Variants in KIF1B observed in about 807,000 individuals in gnomAD.
KIF1B encodes the protein kinesin-like protein KIF1B.
A neutral mutation model predicts 241.9 loss-of-function variants in KIF1B; 76 were observed. The ratio of observed to expected loss-of-function variants is 0.31; its 90% CI spans 0.26 to 0.38. The LOEUF (loss-of-function observed/expected upper bound fraction) is 0.38, where lower values mean the gene tolerates loss of function less well. KIF1B is among the 10% of genes least tolerant of loss of function. The pLI, the probability that KIF1B is intolerant of heterozygous loss-of-function variation, is 1.00. For synonymous variants in KIF1B, 750 were observed against 796.7 expected (o/e 0.94, Z 0.99); for missense variants, 1,622 against 2,271.4 (o/e 0.71, Z 5.81).
intron 2 of KIF1B, among the ~76,000 whole-genome samples, chr1:10,247,515 C>A (rs1571133340): frequency 1.3e-5 from 2 of 152,256 alleles, no homozygotes. Context: ...CTTGTTTTCA[C>A]TAGGTATCTA....
rs957119550 is a variant in KIF1B, at chr1:10,306,415, A to C, written c.2115+9169A>C. The C allele has an allele frequency of 3.9e-6, 4 of 1,019,152 alleles. No homozygotes were observed. The African/African-American group carries it at 6.7e-5, about 17-fold the overall frequency. The allele number at this position is 1,019,152 out of a possible 1,614,324, so 63.1% of individuals were successfully genotyped here. A position where few individuals can be genotyped will look rare whatever the true frequency, so the allele number is the denominator to read the frequency against. ...TTCCTCTTTAGACATAAATGTGCTA[A>C]CTATTCCTTTCTATACACAATTTAT... On this transcript the variant is annotated intron_variant, in intron 22 of 48. Transcript: ENST00000676179.
chr1:10,314,126 C>T (rs1254701489), intron 22 of KIF1B, among the ~76,000 whole-genome samples: 2 of 151,354 alleles, frequency 1.3e-5, no homozygotes, highest in Non-Finnish European at 2.9e-5. Flanking sequence ...TCCTAACTCA[C>T]CCGCCTCGGC....
chr1:10,290,037 T>C (rs1395588706), intron 15 of KIF1B, among the ~76,000 whole-genome samples: 7 of 152,230 alleles, frequency 4.6e-5, no homozygotes, highest in Admixed American at 4.6e-4. Context: ...TGTATATAAG[T>C]ATTGAATGAA....
chr1:10,303,918 T>A lies in KIF1B; in HGVS notation c.2115+6672T>A. On this transcript the variant is annotated intron_variant, in intron 22 of 48. Coordinates refer to ENST00000676179, the MANE Select transcript of KIF1B (RefSeq NM_001365951.3). This position sits in a 1 kb window ranked among gnomAD's most constrained non-coding sequence, Gnocchi z 5.2. Reference sequence around the variant, plus strand: ...GTGTTTCCCAGCTGATGAATGGGGATCCAGCTTTTAGACGTGGACGTCTGC... The same window carrying A: ...GTGTTTCCCAGCTGATGAATGGGGAACCAGCTTTTAGACGTGGACGTCTGC... 6.2e-7 allele frequency: 1 copy of A among 1,614,126 alleles called. No individual in the cohort carries two copies. Among genetic ancestry groups the A allele is most frequent in the Non-Finnish European group, 8.5e-7 (1 of 1,180,016 alleles).
At chr1:10,211,820 T>A (rs959974345) in intron 1 of KIF1B, 1 of 152,118 alleles carries the variant, frequency 6.6e-6, no homozygotes, top group African/African-American at 2.4e-5. Flanking sequence ...GTGCGGGGGC[T>A]GTGAAAGGCC....
In KIF1B at chr1:10,258,476, C is replaced by T. The variant is rs1328507218; in HGVS notation, c.184-17C>T. The T allele has an allele frequency of 1.2e-6, 2 of 1,611,132 alleles. No homozygotes were observed. ...TATTAATAAAAGGTTATTTATTTCT[C>T]CTTTTACTCTTTACAGCCCGAAGAT... On this transcript the variant is annotated splice_polypyrimidine_tract_variant and intron_variant, in intron 3 of 48. Coordinates refer to ENST00000676179, the MANE Select transcript of KIF1B (RefSeq NM_001365951.3).
At position 10,365,703 on chromosome 1, in the gene KIF1B, CCT is replaced by C. The variant is rs2102350673; in HGVS notation, c.4752+59_4752+60del. On this transcript the variant is annotated intron_variant, in intron 43 of 48. Transcript: ENST00000676179. The surrounding 1 kb of genome is among the most constrained non-coding windows in gnomAD (Gnocchi z 4.0). ...CTTCCCACAAGGCTCCACAAACTAGCCTCTCGGTTTATTCATTTTCAACACCT... is the reference window on the plus strand; with the variant it reads ...CTTCCCACAAGGCTCCACAAACTAGCCTCGGTTTATTCATTTTCAACACCT... The C allele has an allele frequency of 6.2e-7, 1 of 1,610,144 alleles. No homozygotes were observed. The highest frequency in any genetic ancestry group is 1.1e-5 in the South Asian group (1 of 90,970).
chr1:10,295,234 G>A (rs1650203569), intron 18 of KIF1B, 69 bp downstream of exon 18: 2 of 943,840 alleles, frequency 2.1e-6, no homozygotes, highest in South Asian at 1.3e-5. Flanking sequence ...TAACTAAAGG[G>A]AAGGGGTTGA....
At chr1:10,348,768 G>C in intron 37 of KIF1B, 35 bp downstream of exon 37, 1 of 1,547,076 alleles carries the variant, frequency 6.5e-7, no homozygotes, top group Admixed American at 1.7e-5. Context: ...ATAGAACCAG[G>C]ACTTACAGAG....
At chr1:10,349,312 G>A (rs1386313866) in intron 37 of KIF1B, among the ~76,000 whole-genome samples, 2 of 152,060 alleles carry the variant, frequency 1.3e-5, no homozygotes, top group East Asian at 1.9e-4. Flanking sequence ...GCACGCACCT[G>A]TAGTCTTGGC....
In KIF1B at chr1:10,366,484, C is replaced by T. The variant is rs1260671828; in HGVS notation, c.4752+836C>T. On this transcript the variant is annotated intron_variant, in intron 43 of 48. Transcript: ENST00000676179. ...TCAGGAGGGAGGCAGCGGTGTCTTG[C>T]GTGATCAGGAGGGAGGCAGCGGTGT... is the stretch of plus-strand genomic sequence containing the variant. Among the ~76,000 whole-genome samples, 4 of 151,558 alleles carry T rather than the reference C, an allele frequency of 2.6e-5. No individual in the cohort carries two copies. The East Asian group carries it at 5.9e-4, about 22-fold the overall frequency.
rs1162229178 is a variant in KIF1B, at chr1:10,215,138, T to TTATATA, written c.-80+4290_-80+4295dup. On this transcript the variant is annotated intron_variant, in intron 1 of 48. Transcript: ENST00000676179. Reference sequence around the variant, plus strand: ...TGATGGATTTAAAAATTTATATATTTTATATATATATATATATATATATAT... The same window carrying TTATATA: ...TGATGGATTTAAAAATTTATATATTTTATATATATATATATATATATATATATATAT... Among the ~76,000 whole-genome samples the TTATATA allele has an allele frequency of 4.2e-3, 249 of 59,544 alleles. 2 individuals carry two copies. Among genetic ancestry groups the TTATATA allele is most frequent in the African/African-American group, 6.0e-3 (76 of 12,572 alleles). 39.1% of individuals were successfully genotyped at this position (59,544 alleles called of 152,430 possible).
chr1:10,244,310 C>CT (rs1647176297), intron 2 of KIF1B, among the ~76,000 whole-genome samples: 1 of 136,212 alleles, frequency 7.3e-6, no homozygotes, highest in African/African-American at 2.8e-5. Context: ...TCTTTTTTTT[C>CT]TTTTCTTTTT....
At chr1:10,349,769 T>G (rs1424620295) in intron 37 of KIF1B, among the ~76,000 whole-genome samples, 1 of 152,114 alleles carries the variant, frequency 6.6e-6, no homozygotes, top group Non-Finnish European at 1.5e-5. Context: ...AGAATGACAG[T>G]CCGAGGCAAG....
chr1:10,335,442 G>A (rs114770256), intron 28 of KIF1B, among the ~76,000 whole-genome samples: 3 of 152,008 alleles, frequency 2.0e-5, no homozygotes, highest in South Asian at 2.1e-4. Flanking sequence ...TAGTAGAAAC[G>A]AAGTTTCACC....
In KIF1B at chr1:10,346,323, A is replaced by G. The variant is rs577603978; in HGVS notation, c.3797+370A>G. On this transcript the variant is annotated intron_variant, in intron 35 of 48. Transcript: ENST00000676179. ...ATTTGCCTTCTCGTTAGCAACAGCA[A>G]AATCATGGAGACAGGCATCTTGTTG... 2.0e-5 allele frequency among the ~76,000 whole-genome samples: 3 copies of G among 152,248 alleles called. No individual in the cohort carries two copies. In the South Asian group the frequency reaches 6.2e-4, roughly 32 times the overall value.
chr1:10,367,319 C>G (rs954171619), intron 43 of KIF1B, among the ~76,000 whole-genome samples: 6 of 151,628 alleles, frequency 4.0e-5, no homozygotes, highest in South Asian at 2.1e-4. Context: ...TGGTCTTGAA[C>G]TCCTGACCTC....
chr1:10,259,491 TA>T (rs5772403), intron 4 of KIF1B, among the ~76,000 whole-genome samples: 9,793 of 138,174 alleles, frequency 0.071, 426 homozygotes, highest in Middle Eastern at 0.13. Context: ...ATTTTTAAAT[TA>T]AAAAAAAAAA....
chr1:10,322,027 G>A (rs914279367), intron 24 of KIF1B, among the ~76,000 whole-genome samples, 170 bp downstream of exon 24: 1 of 152,136 alleles, frequency 6.6e-6, no homozygotes, highest in Non-Finnish European at 1.5e-5. Context: ...AACATAGTAG[G>A]TGCTAATTAA....
Sources: gnomAD v4.1 joint callset for allele counts (sites outside exome capture counted in the v4.1 genomes callset) on GRCh38, gnomAD v4.1.1 for gene constraint, Gnocchi (gnomAD v3.1) non-coding constraint, MANE v1.5 for transcripts, NCBI Gene and HGNC (gene_info 2026-07-23, HGNC 2026-07-21) for gene names.